GRIK4: variants seen among roughly 807,000 people sequenced by gnomAD.
GRIK4 encodes glutamate ionotropic receptor kainate type subunit 4, also known as glutamate receptor ionotropic, kainate 4.
Under a neutral mutation model 104.9 loss-of-function variants are expected in GRIK4, and 40 were observed. That is an observed-to-expected ratio of 0.38 (90% CI 0.30 to 0.50). The LOEUF (loss-of-function observed/expected upper bound fraction) is 0.50, where lower values mean the gene tolerates loss of function less well. Among genes scored for constraint, GRIK4 ranks in the 20% least tolerant of loss-of-function variants. The pLI, the probability that GRIK4 is intolerant of heterozygous loss-of-function variation, is 0.93. For missense variants in GRIK4, 1,047 were observed against 1,308.1 expected (o/e 0.80, Z 3.08); for synonymous variants, 485 against 524.9 (o/e 0.92, Z 1.04).
chr11:120,928,987 G>GCA (rs1943417429), intron 13 of GRIK4, among the ~76,000 whole-genome samples: 1 of 148,380 alleles, frequency 6.7e-6, no homozygotes, highest in African/African-American at 2.5e-5. Context: ...GTGTGTGTGT[G>GCA]TGCGCGCGTG....
chr11:120,736,718 G>GTTGTAGA (rs1331110932), intron 3 of GRIK4, among the ~76,000 whole-genome samples: 2 of 151,938 alleles, frequency 1.3e-5, no homozygotes, highest in African/African-American at 4.8e-5. Context: ...AAGAGGTAAG[G>GTTGTAGA]TTGTAGATCT....
intron 1 of GRIK4, among the ~76,000 whole-genome samples, chr11:120,534,661 A>C (rs995673816): frequency 2.6e-5 from 4 of 152,176 alleles, no homozygotes; most frequent in Non-Finnish European, 4.4e-5. Context: ...TACAGTGTCT[A>C]GTGGATTTGG....
intron 3 of GRIK4, among the ~76,000 whole-genome samples, chr11:120,715,442 T>C (rs1950812392): frequency 6.6e-6 from 1 of 152,188 alleles, no homozygotes; most frequent in Non-Finnish European, 1.5e-5. Context: ...TGGAAGCTCA[T>C]GAACCCCCCT....
intron 6 of GRIK4, among the ~76,000 whole-genome samples, chr11:120,830,476 G>A (rs879303186): frequency 6.6e-6 from 1 of 152,146 alleles, no homozygotes; most frequent in Non-Finnish European, 1.5e-5. Context: ...TTTGGCCTGG[G>A]TGGTGAGTAA....
intron 1 of GRIK4, among the ~76,000 whole-genome samples, chr11:120,611,003 CGTTTTCA>C (rs1158497731): frequency 2.6e-5 from 4 of 152,158 alleles, no homozygotes; most frequent in African/African-American, 9.7e-5. Flanking sequence ...CATGTCCTGT[CGTTTTCA>C]ACAGGAAACC....
intron 3 of GRIK4, among the ~76,000 whole-genome samples, chr11:120,706,872 G>C (rs767368680): frequency 1.2e-4 from 19 of 152,126 alleles, no homozygotes; most frequent in Non-Finnish European, 2.2e-4. Context: ...TCTCCTGCAA[G>C]TACTGTCTTT....
intron 1 of GRIK4, among the ~76,000 whole-genome samples, chr11:120,543,808 A>G (rs927603640): frequency 1.3e-5 from 2 of 152,246 alleles, no homozygotes; most frequent in African/African-American, 4.8e-5. Context: ...TTCAGCCTTA[A>G]TAAAGAAGAA....
chr11:120,763,910 T>C (rs1408393550), intron 3 of GRIK4, among the ~76,000 whole-genome samples: 3 of 152,232 alleles, frequency 2.0e-5, no homozygotes, highest in African/African-American at 4.8e-5. Flanking sequence ...CTGAGAAGAA[T>C]GTATATTCTG....
At chr11:120,547,324 C>T (rs1427405385) in intron 1 of GRIK4, among the ~76,000 whole-genome samples, 1 of 152,244 alleles carries the variant, frequency 6.6e-6, no homozygotes, top group Non-Finnish European at 1.5e-5. Flanking sequence ...CCTTGGGCAT[C>T]TGTGGATGTC....
intron 1 of GRIK4, among the ~76,000 whole-genome samples, chr11:120,614,211 A>T (rs930362961): frequency 6.6e-6 from 1 of 152,204 alleles, no homozygotes; most frequent in African/African-American, 2.4e-5. Context: ...GCAAGTGGTT[A>T]TGTGGTTGGT....
At chr11:120,701,238 C>T (rs1950547284) in intron 3 of GRIK4, among the ~76,000 whole-genome samples, 1 of 152,184 alleles carries the variant, frequency 6.6e-6, no homozygotes, top group Admixed American at 6.5e-5. Context: ...TCCTATATCT[C>T]TGCTATTTTG....
At chr11:120,960,024 G>A (rs576724138) in intron 16 of GRIK4, among the ~76,000 whole-genome samples, 1 of 151,756 alleles carries the variant, frequency 6.6e-6, no homozygotes, top group Admixed American at 6.6e-5. Flanking sequence ...GCAAGACCCT[G>A]TCTCCAAAAA....
chr11:120,810,831 C>A (rs1952814324), intron 4 of GRIK4, among the ~76,000 whole-genome samples: 1 of 152,094 alleles, frequency 6.6e-6, no homozygotes, highest in Admixed American at 6.5e-5. Flanking sequence ...TTGAAGATAT[C>A]CTTAGCACTG....
At chr11:120,779,821 A>G (rs116727415) in intron 3 of GRIK4, among the ~76,000 whole-genome samples, 6 of 152,226 alleles carry the variant, frequency 3.9e-5, no homozygotes, top group Non-Finnish European at 7.3e-5. Flanking sequence ...CACTTAGCAC[A>G]TGAAAGGTGA....
chr11:120,916,487 G>T (rs1330551702), intron 13 of GRIK4, among the ~76,000 whole-genome samples: 2 of 152,182 alleles, frequency 1.3e-5, no homozygotes, highest in Non-Finnish European at 2.9e-5. Context: ...TATGCATCTT[G>T]ACATCCTTAT....
rs1285995255 is a variant in GRIK4, at chr11:120,679,952, C to T, written c.82+19552C>T. ...CCTAGAACATCCTTGCCTCTCACAT[C>T]GCTGGGCCTTTGCTGTCTCCACTGC... is the stretch of plus-strand genomic sequence containing the variant. On this transcript the variant is annotated intron_variant, in intron 3 of 20. Coordinates refer to ENST00000527524, the MANE Select transcript of GRIK4 (RefSeq NM_014619.5). Among the ~76,000 whole-genome samples the T allele has an allele frequency of 3.3e-5, 5 of 152,318 alleles. No individual in the cohort carries two copies. In the South Asian group the frequency reaches 6.2e-4, roughly 19 times the overall value.
chr11:120,615,195 G>C (rs932585379), intron 1 of GRIK4, among the ~76,000 whole-genome samples: 10 of 152,268 alleles, frequency 6.6e-5, no homozygotes, highest in Admixed American at 5.2e-4. Context: ...GGCAGAGAGT[G>C]GTTAAGTGAG....
chr11:120,839,759 C>CTCCCATCCAG (rs1953668770), intron 8 of GRIK4, among the ~76,000 whole-genome samples: 3 of 152,200 alleles, frequency 2.0e-5, no homozygotes, highest in Admixed American at 1.3e-4. Context: ...CCATACCTCA[C>CTCCCATCCAG]TCCCATCCAG....
chr11:120,710,518 C>A (rs1385286676), intron 3 of GRIK4, among the ~76,000 whole-genome samples: 2 of 152,284 alleles, frequency 1.3e-5, no homozygotes, highest in Admixed American at 6.5e-5. Flanking sequence ...GCATAACGGC[C>A]CCCCCATTCC....
Sources: gnomAD v4.1 joint callset for allele counts (sites outside exome capture counted in the v4.1 genomes callset) on GRCh38, gnomAD v4.1.1 for gene constraint, MANE v1.5 for transcripts, NCBI Gene and HGNC (gene_info 2026-07-23, HGNC 2026-07-21) for gene names.